KCNIP4: variants seen among roughly 807,000 people sequenced by gnomAD.
KCNIP4 encodes Kv channel-interacting protein 4.
KCNIP4 carries 12 observed loss-of-function variants against 34.0 expected under a neutral mutation model. The ratio of observed to expected loss-of-function variants is 0.35; its 90% CI spans 0.23 to 0.57. KCNIP4 has a LOEUF of 0.57. Among genes scored for constraint, KCNIP4 ranks in the 20% least tolerant of loss-of-function variants. KCNIP4 has a pLI of 0.83. For missense variants in KCNIP4, 238 were observed against 311.7 expected, an observed-to-expected ratio of 0.76 and a Z score of 1.78; for synonymous variants, 124 against 102.2, an observed-to-expected ratio of 1.21 and a Z score of -1.29.
chr4:21,211,706 C>A (rs1757236698), intron 1 of KCNIP4, among the ~76,000 whole-genome samples: 1 of 152,054 alleles, frequency 6.6e-6, no homozygotes, highest in Non-Finnish European at 1.5e-5. Flanking sequence ...TAGCTATATG[C>A]TAGGCATTGT....
intron 1 of KCNIP4, among the ~76,000 whole-genome samples, chr4:21,463,745 T>G (rs949848896): frequency 1.3e-5 from 2 of 152,068 alleles, no homozygotes; most frequent in African/African-American, 4.8e-5. Context: ...GAAATATTCC[T>G]TTGTCTTCTC....
At chr4:21,569,545 A>T (rs1369342950) in intron 1 of KCNIP4, among the ~76,000 whole-genome samples, 1 of 152,098 alleles carries the variant, frequency 6.6e-6, no homozygotes, top group Non-Finnish European at 1.5e-5. Context: ...TTCAAAAATG[A>T]TATAAAAATA....
chr4:20,739,665 G>C (rs1442685250), intron 5 of KCNIP4, among the ~76,000 whole-genome samples: 1 of 152,178 alleles, frequency 6.6e-6, no homozygotes, highest in African/African-American at 2.4e-5. Flanking sequence ...GCTGAAAAGT[G>C]TAAAAATCAG....
intron 1 of KCNIP4, among the ~76,000 whole-genome samples, chr4:21,871,124 T>G (rs1241344023): frequency 6.6e-6 from 1 of 151,708 alleles, no homozygotes; most frequent in Admixed American, 6.6e-5. Context: ...TTTTAATACT[T>G]TAAGTTCTAG....
At chr4:21,904,802 G>A (rs1015408519) in intron 1 of KCNIP4, among the ~76,000 whole-genome samples, 2 of 152,142 alleles carry the variant, frequency 1.3e-5, no homozygotes, top group African/African-American at 4.8e-5. Context: ...CCATCCAATA[G>A]ATGGCCTAAG....
chr4:20,972,272 C>A (rs1456548415), intron 1 of KCNIP4, among the ~76,000 whole-genome samples: 1 of 152,148 alleles, frequency 6.6e-6, no homozygotes, highest in Non-Finnish European at 1.5e-5. Context: ...TGAATCCTTT[C>A]CAGAAAGTTT....
intron 1 of KCNIP4, among the ~76,000 whole-genome samples, chr4:21,235,641 C>T (rs1385888422): frequency 6.6e-6 from 1 of 152,144 alleles, no homozygotes; most frequent in Non-Finnish European, 1.5e-5. Context: ...ACTCATTTAC[C>T]TAACAGCGTA....
At chr4:21,862,556 G>A (rs915047845) in intron 1 of KCNIP4, among the ~76,000 whole-genome samples, 1 of 152,166 alleles carries the variant, frequency 6.6e-6, no homozygotes, top group African/African-American at 2.4e-5. Flanking sequence ...CAGTATAGCA[G>A]ACACACAAAG....
chr4:21,483,406 G>A (rs530567509), intron 1 of KCNIP4, among the ~76,000 whole-genome samples: 46 of 152,184 alleles, frequency 3.0e-4, no homozygotes, highest in African/African-American at 1.1e-3. Context: ...CTGGTGGGAG[G>A]TGATTGAATC....
intron 1 of KCNIP4, among the ~76,000 whole-genome samples, chr4:20,967,337 G>A (rs1268497456): frequency 1.3e-5 from 2 of 152,140 alleles, no homozygotes; most frequent in Non-Finnish European, 2.9e-5. Flanking sequence ...TCAATATCGT[G>A]AAAATGGCCA....
chr4:21,614,144 CA>C (rs11310974), intron 1 of KCNIP4, among the ~76,000 whole-genome samples: 68,134 of 137,054 alleles, frequency 0.5, 15,715 homozygotes, highest in Non-Finnish European at 0.53. Flanking sequence ...GACTCTATCT[CA>C]AAAAAAAAAA....
At position 20,967,964 on chromosome 4, in the gene KCNIP4, A is replaced by C. The variant is rs1231962075; in HGVS notation, c.62-85255T>G. Among the ~76,000 whole-genome samples, 5 of 152,328 alleles carry C rather than the reference A, an allele frequency of 3.3e-5. No individual in the cohort carries two copies. In the East Asian group the frequency reaches 9.6e-4, roughly 29 times the overall value. The stretch of plus-strand genomic sequence containing the variant: ...TTAAACTAAAGAGTTTCTGTACAGC[A>C]AAAGAAACTATCATCAGAGTGAACA... On this transcript the variant is annotated intron_variant, in intron 1 of 8. Coordinates refer to ENST00000382152, the MANE Select transcript of KCNIP4 (RefSeq NM_025221.6).
intron 1 of KCNIP4, among the ~76,000 whole-genome samples, chr4:20,905,930 G>A (rs571877936): frequency 2.0e-5 from 3 of 151,888 alleles, no homozygotes; most frequent in Middle Eastern, 3.2e-3. Flanking sequence ...AAATATAGTC[G>A]CATTCTGAGG....
intron 1 of KCNIP4, among the ~76,000 whole-genome samples, chr4:21,401,607 A>C (rs1461158666): frequency 1.3e-5 from 2 of 152,190 alleles, no homozygotes; most frequent in African/African-American, 4.8e-5. Context: ...TTCTTAAAAC[A>C]CTTGGACTGA....
intron 1 of KCNIP4, among the ~76,000 whole-genome samples, chr4:21,861,656 CAAA>C (rs59277001): frequency 6.9e-5 from 7 of 101,298 alleles, no homozygotes; most frequent in East Asian, 2.9e-4. Context: ...GACTCCGTCT[CAAA>C]AAAAAAAAAA....
chr4:21,516,879 T>C (rs1286465346), intron 1 of KCNIP4, among the ~76,000 whole-genome samples: 4 of 152,308 alleles, frequency 2.6e-5, no homozygotes, highest in Admixed American at 2.0e-4. Context: ...AACATGAAGC[T>C]GTGTCTGGGA....
At chr4:21,033,716 A>T (rs796791134) in intron 1 of KCNIP4, among the ~76,000 whole-genome samples, 1 of 152,330 alleles carries the variant, frequency 6.6e-6, no homozygotes, top group East Asian at 1.9e-4. Context: ...GACACTCTCT[A>T]TATAAAGTCT....
chr4:21,148,881 G>A (rs1242406019), intron 1 of KCNIP4, among the ~76,000 whole-genome samples: 1 of 152,154 alleles, frequency 6.6e-6, no homozygotes, highest in Non-Finnish European at 1.5e-5. Context: ...ATGAAAAACT[G>A]TGCTGCCTTT....
At chr4:21,911,044 G>A (rs1433644672) in intron 1 of KCNIP4, among the ~76,000 whole-genome samples, 2 of 151,192 alleles carry the variant, frequency 1.3e-5, no homozygotes, top group African/African-American at 2.4e-5. Context: ...TTTTTTTCTA[G>A]TGCATACAAT....
Sources: allele counts gnomAD v4.1 joint callset (sites outside exome capture counted in the v4.1 genomes callset), GRCh38; gene constraint gnomAD v4.1.1; transcripts MANE v1.5; gene names NCBI Gene and HGNC (gene_info 2026-07-23, HGNC 2026-07-21).